The following STIMATE variants were observed in gnomAD, a reference collection of about 807,000 sequenced individuals.
STIMATE encodes store-operated calcium entry regulator STIMATE.
STIMATE carries 15 observed loss-of-function variants against 36.7 expected under a neutral mutation model. The ratio of observed to expected loss-of-function variants is 0.41; its 90% confidence interval spans 0.27 to 0.63. STIMATE has a LOEUF of 0.63. Ranked by LOEUF, STIMATE falls within the 20% of genes least tolerant of loss-of-function variation. The pLI is 0.32. For missense variants in STIMATE, 305 were observed against 397.3 expected (o/e 0.77, Z 1.98); for synonymous variants, 163 against 162.3 (o/e 1.00, Z -0.03).
At chr3:52,862,803 A>T (rs181995567) in intron 1 of STIMATE, among the ~76,000 whole-genome samples, 27 of 152,350 alleles carry the variant, frequency 1.8e-4, no homozygotes, top group African/African-American at 6.5e-4. Flanking sequence ...TCATGAGATG[A>T]GATCATTCTG....
intron 1 of STIMATE, among the ~76,000 whole-genome samples, chr3:52,871,331 C>T (rs908038296): frequency 4.6e-5 from 7 of 152,072 alleles, no homozygotes; most frequent in Non-Finnish European, 8.8e-5. Flanking sequence ...GCTGGGGGCT[C>T]GGTGCAGCGG....
chr3:52,851,976 T>C (rs1006102717), intron 3 of STIMATE, among the ~76,000 whole-genome samples: 3 of 152,192 alleles, frequency 2.0e-5, no homozygotes, highest in Non-Finnish European at 2.9e-5. Flanking sequence ...TCCATTAATA[T>C]ATGGCAGGCT....
At position 52,897,216 on chromosome 3, in the gene STIMATE, AGGAGGGGCCCCCAGGGGGGCCG is replaced by A. The variant is rs553148193; in HGVS notation, c.160+53_160+74del. 1,295 of 1,506,980 alleles carry A rather than the reference AGGAGGGGCCCCCAGGGGGGCCG, an allele frequency of 8.6e-4. 14 individuals carry two copies. In the African/African-American group the frequency reaches 0.016, roughly 19 times the overall value. 93.4% of individuals were successfully genotyped at this position (1,506,980 alleles called of 1,614,324 possible). ...GTCCCAAGGCCTGAACTCTCCGCGC[AGGAGGGGCCCCCAGGGGGGCCG>A]GGCCGCGGCTGCCGCGCAGGGCCTC... On this transcript the variant is annotated intron_variant, in intron 1 of 7. Coordinates refer to ENST00000355083, the MANE Select transcript of STIMATE (RefSeq NM_198563.5).
At chr3:52,882,524 C>T (rs1701622811) in intron 1 of STIMATE, among the ~76,000 whole-genome samples, 1 of 152,150 alleles carries the variant, frequency 6.6e-6, no homozygotes, top group East Asian at 1.9e-4. Context: ...GAAGCTGCTG[C>T]TTTGCTTTCA....
rs181737844 is a variant in STIMATE, at chr3:52,856,812, T to C, written c.161-1368A>G. Among the ~76,000 whole-genome samples the C allele has an allele frequency of 7.0e-3, 1,065 of 152,356 alleles. 4 individuals carry two copies. The highest frequency in any genetic ancestry group is 0.021 in the South Asian group (102 of 4,822). On this transcript the variant is annotated intron_variant, in intron 1 of 7. Transcript: ENST00000355083. ...AACTTGCCCGATTTACGTCTGAACCTTGGGTCTGTAGACACGATGGCCTGA... is the reference window on the plus strand; with the variant it reads ...AACTTGCCCGATTTACGTCTGAACCCTGGGTCTGTAGACACGATGGCCTGA...
intron 1 of STIMATE, among the ~76,000 whole-genome samples, chr3:52,865,516 T>TA (rs1378354568): frequency 5.3e-5 from 8 of 152,188 alleles, no homozygotes; most frequent in Non-Finnish European, 1.2e-4. Flanking sequence ...AAGGCACTTT[T>TA]TATATGGCGG....
At chr3:52,858,516 C>T (rs910795276) in intron 1 of STIMATE, among the ~76,000 whole-genome samples, 1 of 151,994 alleles carries the variant, frequency 6.6e-6, no homozygotes, top group Non-Finnish European at 1.5e-5. Flanking sequence ...CCTAGCTACT[C>T]GGGGAGGCTG....
chr3:52,841,466 T>C (rs960861396), intron 7 of STIMATE, among the ~76,000 whole-genome samples: 1 of 152,170 alleles, frequency 6.6e-6, no homozygotes. Context: ...AACACACTCA[T>C]CCGCTGCCCG....
At chr3:52,847,660 G>A (rs1700930526) in intron 4 of STIMATE, 3 of 865,982 alleles carry the variant, frequency 3.5e-6, no homozygotes, top group Non-Finnish European at 5.0e-6. Context: ...AACAGGTGTG[G>A]GAGGTGGAAT....
chr3:52,857,771 G>T (rs1019671220), intron 1 of STIMATE, among the ~76,000 whole-genome samples: 4 of 151,030 alleles, frequency 2.6e-5, no homozygotes, highest in African/African-American at 9.7e-5. Flanking sequence ...TATATATAGA[G>T]AGAGAGAGAG....
intron 1 of STIMATE, among the ~76,000 whole-genome samples, chr3:52,894,140 G>A (rs184101791): frequency 2.6e-5 from 4 of 152,294 alleles, no homozygotes; most frequent in East Asian, 1.9e-4. Context: ...CGTTTAAAGC[G>A]TTTCTTTCTA....
intron 1 of STIMATE, among the ~76,000 whole-genome samples, chr3:52,863,685 C>T (rs1218525289): frequency 6.6e-6 from 1 of 152,206 alleles, no homozygotes; most frequent in Non-Finnish European, 1.5e-5. Flanking sequence ...GTTGCTTCCA[C>T]CTATGAGCCT....
At position 52,843,070 on chromosome 3, in the gene STIMATE, G is replaced by A. The variant is rs548869209; in HGVS notation, c.619-110C>T. ...TCCAGGTTATAAGATCCAGAGCTAT[G>A]GAAAGAAAAACCCAATCCAATCACC... is the stretch of plus-strand genomic sequence containing the variant. On this transcript the variant is annotated intron_variant, in intron 6 of 7. Transcript: ENST00000355083. 61 of 1,516,378 alleles carry A rather than the reference G, an allele frequency of 4.0e-5. No homozygotes were observed. In the East Asian group the frequency reaches 1.3e-3, roughly 32 times the overall value. The allele number at this position is 1,516,378 out of a possible 1,614,324, so 93.9% of individuals were successfully genotyped here.
At chr3:52,875,974 T>A (rs1253759733) in intron 1 of STIMATE, among the ~76,000 whole-genome samples, 1 of 152,118 alleles carries the variant, frequency 6.6e-6, no homozygotes, top group Non-Finnish European at 1.5e-5. Flanking sequence ...CCTGACATGA[T>A]CCCCAACAGC....
Position 52,897,517 on chromosome 3 carries a change from G to A in STIMATE, c.-67C>T, listed in dbSNP as rs1048849612. 6 of 1,188,476 alleles carry A rather than the reference G, an allele frequency of 5.0e-6. No individual in the cohort carries two copies. The highest frequency in any genetic ancestry group is 6.2e-6 in the Non-Finnish European group (6 of 961,052). 73.6% of individuals were successfully genotyped at this position (1,188,476 alleles called of 1,614,324 possible). ...CGGCCTCGCTGCCTGCCGGCGCAGCGCCGCCAAACCCGCAGCCGGGATCCC... is the reference window on the plus strand; with the variant it reads ...CGGCCTCGCTGCCTGCCGGCGCAGCACCGCCAAACCCGCAGCCGGGATCCC... On this transcript the variant is annotated 5_prime_UTR_variant, in exon 1 of 8. Transcript: ENST00000355083.
chr3:52,860,086 T>C (rs1575334086), intron 1 of STIMATE, among the ~76,000 whole-genome samples: 2 of 135,318 alleles, frequency 1.5e-5, no homozygotes, highest in South Asian at 4.6e-4. Context: ...GAAGAGGAAA[T>C]ACTAAGAGAG....
chr3:52,863,462 C>T (rs902429968), intron 1 of STIMATE, among the ~76,000 whole-genome samples: 7 of 152,158 alleles, frequency 4.6e-5, no homozygotes, highest in Non-Finnish European at 4.4e-5. Flanking sequence ...AGGTCCCTCC[C>T]GCAACATGTG....
rs753155958 is a variant in STIMATE, at chr3:52,840,459, C to T, written c.*35G>A. The T allele has an allele frequency of 3.1e-6, 5 of 1,605,150 alleles. No individual in the cohort carries two copies. The highest frequency in any genetic ancestry group is 1.7e-5 in the Admixed American group (1 of 59,718). On this transcript the variant is annotated 3_prime_UTR_variant, in exon 8 of 8. Transcript: ENST00000355083. The stretch of plus-strand genomic sequence containing the variant: ...ATGACCTCTGCACACCAGCGGCTGG[C>T]GGGGCCCTCCCGTCACCCCCAGCAT...
intron 4 of STIMATE, 60 bp downstream of exon 4, chr3:52,849,732 C>T (rs1022077243): frequency 4.5e-5 from 70 of 1,565,412 alleles, no homozygotes; most frequent in Non-Finnish European, 5.3e-5. Context: ...CCGCATGGGG[C>T]AAGGAGCAGA....
Sources: allele counts gnomAD v4.1 joint callset (sites outside exome capture counted in the v4.1 genomes callset), GRCh38; gene constraint gnomAD v4.1.1; transcripts MANE v1.5; gene names NCBI Gene and HGNC (gene_info 2026-07-23, HGNC 2026-07-21).